Variants in ASTN1 observed in about 807,000 individuals in gnomAD.
ASTN1 encodes the protein astrotactin 1.
A neutral mutation model predicts 140.7 loss-of-function variants in ASTN1; 41 were observed. The ratio of observed to expected loss-of-function variants is 0.29; its 90% confidence interval spans 0.23 to 0.38. The LOEUF is 0.38. Among genes scored for constraint, ASTN1 ranks in the 10% least tolerant of loss-of-function variants. The pLI, the probability that ASTN1 is intolerant of heterozygous loss-of-function variation, is 1.00. For synonymous variants in ASTN1, 640 were observed against 652.2 expected, an observed-to-expected ratio of 0.98 and a Z score of 0.29; for missense variants, 1,479 against 1,678.8, an observed-to-expected ratio of 0.88 and a Z score of 2.08.
Position 177,061,192 on chromosome 1 carries a change from A to G in ASTN1, c.357T>C (p.Leu119=). 6.2e-7 allele frequency: 1 copy of G among 1,610,422 alleles called. No individual in the cohort carries two copies. Among genetic ancestry groups the G allele is most frequent in the African/African-American group, 1.3e-5 (1 of 74,876 alleles). ...RQQWLENGTL[L]FHIHHQDGAP... ...CACCATCTTGGTGATGAATGTGAAAAAGCAAAGTGCCATTCTCCAGCCACT... is the reference window on the plus strand; with the variant it reads ...CACCATCTTGGTGATGAATGTGAAAGAGCAAAGTGCCATTCTCCAGCCACT... Residue 119 remains leucine, a synonymous_variant, in exon 2 of 23, where the codon CTT becomes CTC. Coordinates refer to ENST00000361833, the MANE Select transcript of ASTN1 (RefSeq NM_004319.3).
chr1:177,002,009 C>T (rs924296534), intron 8 of ASTN1, among the ~76,000 whole-genome samples: 33 of 152,138 alleles, frequency 2.2e-4, no homozygotes, highest in African/African-American at 7.5e-4. Flanking sequence ...GGAATTTCAC[C>T]TATAGTGCTA....
chr1:177,104,986 G>A (rs1680484214), intron 1 of ASTN1, among the ~76,000 whole-genome samples: 1 of 152,056 alleles, frequency 6.6e-6, no homozygotes, highest in African/African-American at 2.4e-5. Context: ...ATTCCTCTAC[G>A]ACTACTTAGC....
intron 17 of ASTN1, among the ~76,000 whole-genome samples, chr1:176,892,933 T>C (rs1190125788): frequency 6.6e-6 from 1 of 152,116 alleles, no homozygotes; most frequent in Non-Finnish European, 1.5e-5. Flanking sequence ...TGTCTTTGTG[T>C]TTAGAAATTA....
At chr1:176,951,654 C>T (rs1158394659) in intron 11 of ASTN1, among the ~76,000 whole-genome samples, 2 of 152,180 alleles carry the variant, frequency 1.3e-5, no homozygotes, top group Admixed American at 1.3e-4. Context: ...GAAACATGAG[C>T]AGGCTTTGTT....
At chr1:177,069,559 C>A (rs1558072924) in intron 1 of ASTN1, among the ~76,000 whole-genome samples, 1 of 152,090 alleles carries the variant, frequency 6.6e-6, no homozygotes, top group African/African-American at 2.4e-5. Flanking sequence ...AGCAGTGAAG[C>A]TTTCTATGGA....
intron 2 of ASTN1, among the ~76,000 whole-genome samples, chr1:177,045,234 C>T (rs1333987599): frequency 6.6e-6 from 1 of 152,188 alleles, no homozygotes; most frequent in East Asian, 1.9e-4. Flanking sequence ...CTGTTGCTCC[C>T]CATATCATGG....
chr1:176,992,036 A>C (rs1358156873), intron 8 of ASTN1, among the ~76,000 whole-genome samples: 1 of 152,226 alleles, frequency 6.6e-6, no homozygotes, highest in Non-Finnish European at 1.5e-5. Context: ...AGTAGATAAT[A>C]GAAAAAATAC....
intron 1 of ASTN1, among the ~76,000 whole-genome samples, chr1:177,085,140 A>T (rs533014611): frequency 1.3e-5 from 2 of 152,338 alleles, no homozygotes; most frequent in Non-Finnish European, 2.9e-5. Context: ...GTTAGGTGTT[A>T]TAAATACTTG....
chr1:176,858,130 G>T (rs1337369170), downstream of ASTN1, among the ~76,000 whole-genome samples: 3 of 152,056 alleles, frequency 2.0e-5, no homozygotes, highest in Admixed American at 6.6e-5. Flanking sequence ...AGGCAGATTT[G>T]GTGAAGAAAC....
chr1:176,901,875 A>G (rs1229784126), intron 16 of ASTN1, among the ~76,000 whole-genome samples: 1 of 152,238 alleles, frequency 6.6e-6, no homozygotes, highest in Non-Finnish European at 1.5e-5. Flanking sequence ...CTTCTCACAA[A>G]TGAATTTGCA....
chr1:177,002,076 T>A (rs1486747450), intron 8 of ASTN1, among the ~76,000 whole-genome samples: 1 of 152,142 alleles, frequency 6.6e-6, no homozygotes, highest in African/African-American at 2.4e-5. Flanking sequence ...CACAGAAGTC[T>A]AGGGACCCTC....
chr1:177,117,243 C>T (rs1236493018), intron 1 of ASTN1, among the ~76,000 whole-genome samples: 2 of 152,128 alleles, frequency 1.3e-5, no homozygotes, highest in Admixed American at 1.3e-4. Context: ...CTCCAGCTTT[C>T]CTCAGTCCTC....
intron 1 of ASTN1, among the ~76,000 whole-genome samples, chr1:177,094,018 C>T (rs1483443222): frequency 1.3e-5 from 2 of 152,160 alleles, no homozygotes; most frequent in African/African-American, 2.4e-5. Context: ...GCCAAAATTT[C>T]AGGAACTTCC....
At chr1:177,111,242 T>C (rs78045456) in intron 1 of ASTN1, among the ~76,000 whole-genome samples, 11 of 151,636 alleles carry the variant, frequency 7.3e-5, no homozygotes, top group Non-Finnish European at 1.3e-4. Flanking sequence ...GAAGTTAGAA[T>C]TTTTTTTTAC....
At chr1:177,000,377 A>G (rs1674670148) in intron 8 of ASTN1, among the ~76,000 whole-genome samples, 1 of 152,224 alleles carries the variant, frequency 6.6e-6, no homozygotes, top group Non-Finnish European at 1.5e-5. Context: ...AGGCATAATG[A>G]CAAACTAGGG....
chr1:176,989,190 AGT>A (rs1325470449), intron 8 of ASTN1, among the ~76,000 whole-genome samples: 1 of 152,198 alleles, frequency 6.6e-6, no homozygotes, highest in Non-Finnish European at 1.5e-5. Flanking sequence ...TGTGATTATA[AGT>A]GTGATGGGGA....
chr1:177,084,019 C>A (rs1679303909), intron 1 of ASTN1, among the ~76,000 whole-genome samples: 1 of 152,182 alleles, frequency 6.6e-6, no homozygotes, highest in Non-Finnish European at 1.5e-5. Flanking sequence ...TTCCTTCTGG[C>A]ATTGTCTTCT....
intron 10 of ASTN1, 76 bp from the exon 11 acceptor site, chr1:176,957,904 C>T: frequency 6.7e-7 from 1 of 1,488,494 alleles, no homozygotes; most frequent in South Asian, 1.3e-5. Context: ...ACATTCCATG[C>T]TCCTATCTAG....
At position 176,894,710 on chromosome 1, in the gene ASTN1, A is replaced by G; in HGVS notation, c.2792T>C (p.Met931Thr). ...GCATCGTCCCTTGCTGTGGCACTCC[A>G]TGCGGACTCCAGCCGCCATGTGCTT... ...GTKHMAAGVR[M>T]ECHSKGRCPS... Residue 931 changes from methionine to threonine, a missense_variant, in exon 17 of 23, where the codon ATG becomes ACG. Met to Thr is a moderately conservative substitution (Grantham distance 81). This residue lies in a region of ASTN1 where 746 missense variants were observed against 800.9 expected (regional missense o/e 0.93). Coordinates refer to ENST00000361833, the MANE Select transcript of ASTN1 (RefSeq NM_004319.3). 1 of 1,614,150 alleles carries G rather than the reference A, an allele frequency of 6.2e-7. No individual in the cohort carries two copies. The highest frequency in any genetic ancestry group is 8.5e-7 in the Non-Finnish European group (1 of 1,180,006).
Sources: allele counts gnomAD v4.1 joint callset (sites outside exome capture counted in the v4.1 genomes callset), GRCh38; gene constraint gnomAD v4.1.1; regional missense constraint gnomAD v4.1.1; transcripts MANE v1.5; gene names NCBI Gene and HGNC (gene_info 2026-07-23, HGNC 2026-07-21).